Variants in CAB39 observed in about 807,000 individuals in gnomAD.
CAB39 encodes calcium-binding protein 39.
In CAB39, 8 loss-of-function variants were observed where a neutral mutation model predicts 40.0. The ratio of observed to expected loss-of-function variants is 0.20; its 90% CI spans 0.12 to 0.36. The LOEUF (loss-of-function observed/expected upper bound fraction) is 0.36, where lower values mean the gene tolerates loss of function less well. Ranked by LOEUF, CAB39 falls within the 10% of genes least tolerant of loss-of-function variation. The probability of loss-of-function intolerance (pLI) is 1.00; values close to 1 mark genes in which losing one functional copy is unlikely to be tolerated. For synonymous variants in CAB39, 156 were observed against 141.6 expected (o/e 1.10, Z -0.72); for missense variants, 270 against 401.1 (o/e 0.67, Z 2.79).
intron 5 of CAB39, among the ~76,000 whole-genome samples, chr2:230,800,240 A>G (rs1454515413): frequency 6.6e-6 from 1 of 152,084 alleles, no homozygotes; most frequent in African/African-American, 2.4e-5. Flanking sequence ...TGAATGCCCT[A>G]AAGATAGGAT....
intron 6 of CAB39, among the ~76,000 whole-genome samples, chr2:230,811,085 C>T (rs545677114): frequency 6.6e-6 from 1 of 152,094 alleles, no homozygotes; most frequent in South Asian, 2.1e-4. Context: ...TACACATCGT[C>T]GAAGATTCTG....
chr2:230,729,181 C>T (rs969563195), intron 1 of CAB39, among the ~76,000 whole-genome samples: 2 of 152,174 alleles, frequency 1.3e-5, no homozygotes, highest in African/African-American at 2.4e-5. Context: ...AACCCTTGGG[C>T]GGTTTGCACC....
At chr2:230,754,447 C>T (rs1695152394) in intron 1 of CAB39, among the ~76,000 whole-genome samples, 1 of 135,702 alleles carries the variant, frequency 7.4e-6, no homozygotes, top group South Asian at 2.2e-4. Context: ...TCCCCTCCTT[C>T]TTCCCCTTTC....
intron 2 of CAB39, among the ~76,000 whole-genome samples, chr2:230,767,194 C>A (rs1286753773): frequency 6.6e-6 from 1 of 152,210 alleles, no homozygotes; most frequent in African/African-American, 2.4e-5. Context: ...ATGCATACTT[C>A]AAAACCTGTT....
Position 230,778,422 on chromosome 2 carries a change from T to C in CAB39, c.115-12450T>C, listed in dbSNP as rs78176388. 2.6e-3 allele frequency among the ~76,000 whole-genome samples: 394 copies of C among 152,322 alleles called. 2 individuals carry two copies. Among genetic ancestry groups the C allele is most frequent in the Non-Finnish European group, 4.1e-3 (281 of 68,026 alleles). ...AGCTGTCTTCTCGAGTCTTCTGAAA[T>C]TGTACTTTTGTATCACTACTTTTTA... On this transcript the variant is annotated intron_variant, in intron 2 of 8. Coordinates refer to ENST00000258418, the MANE Select transcript of CAB39 (RefSeq NM_016289.4).
At chr2:230,794,614 C>G (rs1343902222) in intron 4 of CAB39, among the ~76,000 whole-genome samples, 1 of 152,184 alleles carries the variant, frequency 6.6e-6, no homozygotes. Flanking sequence ...GAGCTCTCAC[C>G]TGTGCTGGCC....
At chr2:230,812,447 C>T (rs1202441814) in intron 6 of CAB39, among the ~76,000 whole-genome samples, 1 of 152,164 alleles carries the variant, frequency 6.6e-6, no homozygotes, top group East Asian at 1.9e-4. Context: ...GAAACAGGGG[C>T]CACATACATA....
chr2:230,765,896 A>G (rs1292932775), intron 2 of CAB39, among the ~76,000 whole-genome samples: 1 of 152,166 alleles, frequency 6.6e-6, no homozygotes, highest in African/African-American at 2.4e-5. Flanking sequence ...ACATTTCGCT[A>G]TTAGGATAAA....
intron 5 of CAB39, among the ~76,000 whole-genome samples, chr2:230,806,570 G>C (rs1035933234): frequency 1.3e-5 from 2 of 152,176 alleles, no homozygotes. Context: ...GTGGTTAAAG[G>C]AACTGGAAGT....
chr2:230,745,666 G>T (rs1431073102), intron 1 of CAB39, among the ~76,000 whole-genome samples: 1 of 151,808 alleles, frequency 6.6e-6, no homozygotes, highest in Non-Finnish European at 1.5e-5. Context: ...CGCGCTTGTT[G>T]CCCAGGCTGG....
At chr2:230,793,172 G>T (rs746562233) in intron 3 of CAB39, 41 bp from the exon 4 acceptor site, 3 of 1,150,532 alleles carry the variant, frequency 2.6e-6, no homozygotes, top group Non-Finnish European at 3.9e-6. Flanking sequence ...GCATTTTGAT[G>T]TTTGGTCAGG....
At chr2:230,782,997 T>C (rs1262939343) in intron 2 of CAB39, among the ~76,000 whole-genome samples, 3 of 151,698 alleles carry the variant, frequency 2.0e-5, no homozygotes, top group Non-Finnish European at 4.4e-5. Context: ...TTTTTGTTTT[T>C]GTTTTTGTTT....
chr2:230,744,533 C>CCGCTCACCTT (rs1268536742), intron 1 of CAB39, among the ~76,000 whole-genome samples: 1 of 151,976 alleles, frequency 6.6e-6, no homozygotes, highest in Non-Finnish European at 1.5e-5. Context: ...ACCTCGTGAT[C>CCGCTCACCTT]CGCTCACCTT....
chr2:230,775,678 G>A (rs998454492), intron 2 of CAB39, among the ~76,000 whole-genome samples: 2 of 150,882 alleles, frequency 1.3e-5, no homozygotes, highest in African/African-American at 2.5e-5. Flanking sequence ...ACAGTGGTGC[G>A]CATTGGAGTT....
chr2:230,752,858 T>C lies in CAB39; in HGVS notation c.-43-7101T>C, dbSNP rs370150373. 1.2e-4 allele frequency among the ~76,000 whole-genome samples: 18 copies of C among 152,290 alleles called. No homozygotes were observed. The East Asian group carries it at 1.3e-3, about 11-fold the overall frequency. Reference sequence around the variant, plus strand: ...CCAAGTTTAGTGATGGAGTGAACAATGGATCCATTCACTGGGAAGGGGAAC... The same window carrying C: ...CCAAGTTTAGTGATGGAGTGAACAACGGATCCATTCACTGGGAAGGGGAAC... On this transcript the variant is annotated intron_variant, in intron 1 of 8. Coordinates refer to ENST00000258418, the MANE Select transcript of CAB39 (RefSeq NM_016289.4).
In CAB39 at chr2:230,786,402, T is replaced by G. The variant is rs1053883434; in HGVS notation, c.115-4470T>G. Among the ~76,000 whole-genome samples the G allele has an allele frequency of 6.6e-5, 10 of 152,226 alleles. No individual in the cohort carries two copies. The East Asian group carries it at 1.9e-3, about 29-fold the overall frequency. On this transcript the variant is annotated intron_variant, in intron 2 of 8. Transcript: ENST00000258418. The stretch of plus-strand genomic sequence containing the variant: ...GGGAACAGCTTTATTGAGATATAAT[T>G]TACATGCCGTATAGTTCACCCATTT...
At chr2:230,800,805 T>C (rs1276802175) in intron 5 of CAB39, among the ~76,000 whole-genome samples, 1 of 152,186 alleles carries the variant, frequency 6.6e-6, no homozygotes. Context: ...AGAGATGTAC[T>C]GACTATGTGC....
chr2:230,749,290 G>A (rs916860420), intron 1 of CAB39, among the ~76,000 whole-genome samples: 2 of 151,878 alleles, frequency 1.3e-5, no homozygotes, highest in Non-Finnish European at 2.9e-5. Flanking sequence ...GCCTTTTTTA[G>A]CATGACCTCA....
At chr2:230,745,658 C>T (rs144525879) in intron 1 of CAB39, among the ~76,000 whole-genome samples, 3 of 152,058 alleles carry the variant, frequency 2.0e-5, no homozygotes, top group Non-Finnish European at 4.4e-5. Context: ...CAGAGTTTCG[C>T]GCTTGTTGCC....
Sources: gnomAD v4.1 joint callset for allele counts (sites outside exome capture counted in the v4.1 genomes callset) on GRCh38, gnomAD v4.1.1 for gene constraint, MANE v1.5 for transcripts, NCBI Gene and HGNC (gene_info 2026-07-23, HGNC 2026-07-21) for gene names.